The following ERBB4 variants were observed in gnomAD, a reference collection of about 807,000 sequenced individuals.
ERBB4 encodes erb-b2 receptor tyrosine kinase 4.
Under a neutral mutation model 158.0 loss-of-function variants are expected in ERBB4, and 42 were observed. The ratio of observed to expected loss-of-function variants is 0.27; its 90% CI spans 0.21 to 0.34. ERBB4 has a LOEUF of 0.34. Ranked by LOEUF, ERBB4 falls within the 10% of genes least tolerant of loss-of-function variation. ERBB4 has a pLI of 1.00. For synonymous variants in ERBB4, 583 were observed against 558.7 expected (o/e 1.04, Z -0.61); for missense variants, 1,333 against 1,624.1 (o/e 0.82, Z 3.08).
chr2:211,756,697 A>T (rs2075294338), intron 4 of ERBB4, among the ~76,000 whole-genome samples: 1 of 152,212 alleles, frequency 6.6e-6, no homozygotes, highest in African/African-American at 2.4e-5. Flanking sequence ...AGGAATCCCT[A>T]GTTTTAAAAA....
At chr2:211,964,720 G>C (rs2081267206) in intron 2 of ERBB4, among the ~76,000 whole-genome samples, 1 of 152,082 alleles carries the variant, frequency 6.6e-6, no homozygotes, top group Non-Finnish European at 1.5e-5. Flanking sequence ...TCAAATCCCT[G>C]TTAGAAAGTG....
chr2:211,628,677 A>T (rs915071586), intron 17 of ERBB4, among the ~76,000 whole-genome samples: 21 of 152,344 alleles, frequency 1.4e-4, no homozygotes, highest in Middle Eastern at 3.4e-3. Flanking sequence ...TCCTTTGGGT[A>T]TATACCCAGT....
At chr2:211,943,792 G>A (rs1460362391) in intron 3 of ERBB4, among the ~76,000 whole-genome samples, 1 of 152,060 alleles carries the variant, frequency 6.6e-6, no homozygotes, top group Non-Finnish European at 1.5e-5. Flanking sequence ...CAACATGAAA[G>A]TATGTAAATA....
chr2:211,503,436 G>A (rs2065667457), intron 20 of ERBB4, among the ~76,000 whole-genome samples: 1 of 152,238 alleles, frequency 6.6e-6, no homozygotes, highest in South Asian at 2.1e-4. Context: ...TCCCAAGACT[G>A]CCAGCCTGGT....
chr2:211,974,558 C>A (rs1037279692), intron 2 of ERBB4, among the ~76,000 whole-genome samples: 18 of 152,152 alleles, frequency 1.2e-4, no homozygotes, highest in African/African-American at 4.3e-4. Context: ...GAGTCCACAG[C>A]ATCTCCAAGA....
intron 19 of ERBB4, among the ~76,000 whole-genome samples, chr2:211,576,741 T>C (rs1177865552): frequency 6.6e-6 from 1 of 152,092 alleles, no homozygotes; most frequent in African/African-American, 2.4e-5. Flanking sequence ...TTAGTAATTA[T>C]AATTATAAAT....
chr2:211,941,889 C>A (rs188900852), intron 3 of ERBB4, among the ~76,000 whole-genome samples: 1 of 151,966 alleles, frequency 6.6e-6, no homozygotes, highest in Non-Finnish European at 1.5e-5. Context: ...CTAAACACCC[C>A]CAATGTGAAA....
At chr2:211,982,136 T>G (rs2081816908) in intron 2 of ERBB4, among the ~76,000 whole-genome samples, 2 of 151,918 alleles carry the variant, frequency 1.3e-5, no homozygotes, top group South Asian at 4.1e-4. Context: ...TTTAATAAAT[T>G]TATAAATATA....
chr2:211,619,243 C>A lies in ERBB4; in HGVS notation c.2235G>T (p.Lys745Asn), dbSNP rs2125847396. 1 of 1,612,364 alleles carries A rather than the reference C, an allele frequency of 6.2e-7. No homozygotes were observed. Among genetic ancestry groups the A allele is most frequent in the Non-Finnish European group, 8.5e-7 (1 of 1,178,680 alleles). ...TAAGAATCTTAATAGCCACAGGAAT[C>A]TTCACAGTTTCTCCTTCAGGTACCC... is the stretch of plus-strand genomic sequence containing the variant. ...GIWVPEGETV[K>N]IPVAIKILNE... Residue 745 changes from lysine to asparagine, a missense_variant, in exon 19 of 28, where the codon AAG becomes AAT. This residue lies in a region of ERBB4 where 314 missense variants were observed against 437.6 expected (regional missense o/e 0.72). Coordinates refer to ENST00000342788, the MANE Select transcript of ERBB4 (RefSeq NM_005235.3).
intron 5 of ERBB4, among the ~76,000 whole-genome samples, chr2:211,728,572 T>A (rs972577357): frequency 6.6e-6 from 1 of 151,964 alleles, no homozygotes; most frequent in South Asian, 2.1e-4. Flanking sequence ...CCAAATTCAA[T>A]AAAGTGCTTC....
chr2:211,909,229 G>A (rs2079478321), intron 3 of ERBB4, among the ~76,000 whole-genome samples: 2 of 151,484 alleles, frequency 1.3e-5, no homozygotes, highest in Admixed American at 1.3e-4. Flanking sequence ...ATATTTCCTG[G>A]CAACGAGGAA....
chr2:211,753,746 T>C (rs1256883403), intron 4 of ERBB4, among the ~76,000 whole-genome samples: 1 of 147,566 alleles, frequency 6.8e-6, no homozygotes, highest in Non-Finnish European at 1.5e-5. Flanking sequence ...TATATATATA[T>C]ATTTAATATA....
chr2:212,252,117 G>A (rs531176199), intron 1 of ERBB4, among the ~76,000 whole-genome samples: 1 of 152,122 alleles, frequency 6.6e-6, no homozygotes, highest in African/African-American at 2.4e-5. Flanking sequence ...TACGTTCCAG[G>A]TGTCTGACTT....
intron 1 of ERBB4, among the ~76,000 whole-genome samples, chr2:212,143,293 T>C (rs1471546161): frequency 6.6e-6 from 1 of 152,172 alleles, no homozygotes; most frequent in Non-Finnish European, 1.5e-5. Flanking sequence ...CAATTTACTG[T>C]CAGTGTATTA....
chr2:211,808,081 G>C (rs907856912), intron 3 of ERBB4, among the ~76,000 whole-genome samples: 1 of 152,148 alleles, frequency 6.6e-6, no homozygotes, highest in African/African-American at 2.4e-5. Context: ...TAGGTTGCCT[G>C]TTCACTCTGA....
At chr2:212,082,713 G>C (rs1246151401) in intron 2 of ERBB4, among the ~76,000 whole-genome samples, 1 of 151,946 alleles carries the variant, frequency 6.6e-6, no homozygotes, top group African/African-American at 2.4e-5. Context: ...GTCCCTAAAG[G>C]GTTAGGAAAA....
chr2:212,082,926 A>G (rs1461466008), intron 2 of ERBB4, among the ~76,000 whole-genome samples: 3 of 152,036 alleles, frequency 2.0e-5, no homozygotes, highest in East Asian at 3.9e-4. Flanking sequence ...AAGTGTATAT[A>G]CTTGTCCCAT....
intron 14 of ERBB4, among the ~76,000 whole-genome samples, chr2:211,669,801 T>A (rs1249673423): frequency 6.6e-6 from 1 of 152,182 alleles, no homozygotes; most frequent in Non-Finnish European, 1.5e-5. Flanking sequence ...AAAACTGAGA[T>A]GTACGAGAAA....
At chr2:211,619,583 A>G (rs1239382664) in intron 18 of ERBB4, among the ~76,000 whole-genome samples, 1 of 152,144 alleles carries the variant, frequency 6.6e-6, no homozygotes, top group African/African-American at 2.4e-5. Flanking sequence ...GGATAGCAAA[A>G]GAATATCTGA....
Sources: gnomAD v4.1 joint callset for allele counts (sites outside exome capture counted in the v4.1 genomes callset) on GRCh38, gnomAD v4.1.1 for gene constraint, gnomAD v4.1.1 regional missense constraint, MANE v1.5 for transcripts, NCBI Gene and HGNC (gene_info 2026-07-23, HGNC 2026-07-21) for gene names.